The following PDK1 variants were observed in gnomAD, a reference collection of about 807,000 sequenced individuals.
PDK1 encodes pyruvate dehydrogenase kinase 1.
PDK1 carries 39 observed loss-of-function variants against 54.2 expected under a neutral mutation model. The ratio of observed to expected loss-of-function variants is 0.72; its 90% CI spans 0.56 to 0.94. PDK1 has a LOEUF of 0.94. Ranked by LOEUF, PDK1 falls within the 40% of genes least tolerant of loss-of-function variation. The pLI, the probability that PDK1 is intolerant of heterozygous loss-of-function variation, is 0.00. For synonymous variants in PDK1, 221 were observed against 207.1 expected, an observed-to-expected ratio of 1.07 and a Z score of -0.58; for missense variants, 552 against 566.0, an observed-to-expected ratio of 0.98 and a Z score of 0.25.
At chr2:172,556,639 G>GC (rs1197315149) in intron 1 of PDK1, 1 of 296,126 alleles carries the variant, frequency 3.4e-6, no homozygotes, top group African/African-American at 2.2e-5. Context: ...TGCGCGCTAG[G>GC]CCAGGCCCCT....
chr2:172,556,244 T>C lies in PDK1; in HGVS notation c.94T>C (p.Ser32Pro), dbSNP rs750634790. The C allele has an allele frequency of 3.4e-5, 50 of 1,467,880 alleles. No homozygotes were observed. Among genetic ancestry groups the C allele is most frequent in the Non-Finnish European group, 4.3e-5 (48 of 1,116,192 alleles). The allele number at this position is 1,467,880 out of a possible 1,614,324, so 90.9% of individuals were successfully genotyped here. The stretch of plus-strand genomic sequence containing the variant: ...CTTCAGCCGCAGCTTCAGCTCGGAC[T>C]CGGGCTCCAGCCCGGCGTCCGAGCG... ...AGFSRSFSSD[S>P]GSSPASERGV... Residue 32 changes from serine to proline, a missense_variant, in exon 1 of 11, where the codon TCG becomes CCG. Transcript: ENST00000282077.
intron 9 of PDK1, among the ~76,000 whole-genome samples, chr2:172,588,550 T>C (rs16860693): frequency 0.054 from 8,239 of 152,304 alleles, 347 homozygotes; most frequent in East Asian, 0.21. Context: ...TGTGAATTTT[T>C]AAGAAAATAG....
At position 172,602,477 on chromosome 2, in the gene PDK1, A is replaced by G. The variant is rs1041125938; in HGVS notation, c.*6508A>G. 7 of 152,202 alleles carry G rather than the reference A, an allele frequency of 4.6e-5. No individual in the cohort carries two copies. Among genetic ancestry groups the G allele is most frequent in the Non-Finnish European group, 1.0e-4 (7 of 68,028 alleles). The allele number at this position is 152,202 out of a possible 1,614,324, so 9.4% of individuals were successfully genotyped here. A position where few individuals can be genotyped will look rare whatever the true frequency, so the allele number is the denominator to read the frequency against. On this transcript the variant is annotated 3_prime_UTR_variant, in exon 11 of 11. Transcript: ENST00000282077. ...ATATAAGCCATTAGTGGATGTTACA[A>G]TAAACCTCGTATAGTGTCAGATGTA... is the stretch of plus-strand genomic sequence containing the variant.
At position 172,600,301 on chromosome 2, in the gene PDK1, A is replaced by G. The variant is rs1028021770; in HGVS notation, c.*4332A>G. On this transcript the variant is annotated 3_prime_UTR_variant, in exon 11 of 11. Transcript: ENST00000282077. ...GTATTGCATGAAAATACAGTATGGT[A>G]TGAAATTATTTGTCCAAAACTGTAC... The G allele has an allele frequency of 2.0e-5, 3 of 152,234 alleles. No homozygotes were observed. Among genetic ancestry groups the G allele is most frequent in the African/African-American group, 7.2e-5 (3 of 41,462 alleles). The allele number at this position is 152,234 out of a possible 1,614,324, so 9.4% of individuals were successfully genotyped here.
the PDK1 span, among the ~76,000 whole-genome samples, chr2:172,685,659 AT>A: frequency 6.6e-6 from 1 of 152,242 alleles, no homozygotes; most frequent in Non-Finnish European, 1.5e-5. Context: ...CATTGCAAAT[AT>A]GCCAAATCAG....
chr2:172,603,770 T>C lies in PDK1; in HGVS notation c.*7801T>C, dbSNP rs1264164881. ...CAAAGTCAGTTGATAAGACCTCTTA[T>C]GCCTGTGAATGGAAGGCCCTGATAA... On this transcript the variant is annotated 3_prime_UTR_variant, in exon 11 of 11. Transcript: ENST00000282077. 1 of 152,216 alleles carries C rather than the reference T, an allele frequency of 6.6e-6. No homozygotes were observed. Among genetic ancestry groups the C allele is most frequent in the Non-Finnish European group, 1.5e-5 (1 of 68,052 alleles). 9.4% of individuals were successfully genotyped at this position (152,216 alleles called of 1,614,324 possible).
the PDK1 span, among the ~76,000 whole-genome samples, chr2:172,698,424 G>A: frequency 5.3e-5 from 8 of 152,170 alleles, no homozygotes; most frequent in African/African-American, 1.4e-4. Context: ...CCTCAGCAAC[G>A]TCTGGTCTTC....
At chr2:172,621,939 CAT>C in the PDK1 span, among the ~76,000 whole-genome samples, 10 of 145,160 alleles carry the variant, frequency 6.9e-5, no homozygotes, top group Non-Finnish European at 1.5e-4. Context: ...GTTTATATCT[CAT>C]ATATGTGGTA....
rs192044769 is a variant in PDK1, at chr2:172,604,872, C to T, written c.*8903C>T. 1 of 152,296 alleles carries T rather than the reference C, an allele frequency of 6.6e-6. No individual in the cohort carries two copies. The highest frequency in any genetic ancestry group is 6.5e-5 in the Admixed American group (1 of 15,296). The allele number at this position is 152,296 out of a possible 1,614,324, so 9.4% of individuals were successfully genotyped here. A position where few individuals can be genotyped will look rare whatever the true frequency, so the allele number is the denominator to read the frequency against. ...TTTGGAGCTTTATATTGGGTATGTTCTTATCCAACTATCATTAGGGGCATT... is the reference window on the plus strand; with the variant it reads ...TTTGGAGCTTTATATTGGGTATGTTTTTATCCAACTATCATTAGGGGCATT... On this transcript the variant is annotated 3_prime_UTR_variant, in exon 11 of 11. Coordinates refer to ENST00000282077, the MANE Select transcript of PDK1 (RefSeq NM_002610.5).
the PDK1 span, among the ~76,000 whole-genome samples, chr2:172,665,318 C>T: frequency 6.6e-6 from 1 of 152,182 alleles, no homozygotes; most frequent in Non-Finnish European, 1.5e-5. Context: ...AAATCAAACT[C>T]AGGATCCTTC....
Position 172,601,714 on chromosome 2 carries a change from AAGCCAC to A in PDK1, c.*5749_*5754del, listed in dbSNP as rs1206827412. 2 of 152,148 alleles carry A rather than the reference AAGCCAC, an allele frequency of 1.3e-5. No homozygotes were observed. The highest frequency in any genetic ancestry group is 4.8e-5 in the African/African-American group (2 of 41,440). The allele number at this position is 152,148 out of a possible 1,614,324, so 9.4% of individuals were successfully genotyped here. On this transcript the variant is annotated 3_prime_UTR_variant, in exon 11 of 11. Coordinates refer to ENST00000282077, the MANE Select transcript of PDK1 (RefSeq NM_002610.5). ...CTCGCTGGGTTAGCTGGGGTAGGTA[AAGCCAC>A]AGCTGTGGCAGCAACCAGCTAGTGG... is the stretch of plus-strand genomic sequence containing the variant.
the PDK1 span, among the ~76,000 whole-genome samples, chr2:172,720,362 A>G: frequency 6.6e-6 from 1 of 151,950 alleles, no homozygotes; most frequent in Admixed American, 6.6e-5. Flanking sequence ...TAATCCGCCC[A>G]CCTCGGCCTC....
the PDK1 span, among the ~76,000 whole-genome samples, chr2:172,685,476 C>T: frequency 6.6e-6 from 1 of 152,190 alleles, no homozygotes; most frequent in African/African-American, 2.4e-5. Context: ...GTGAATAAAC[C>T]AGTAGACTAA....
chr2:172,686,156 A>T, the PDK1 span, among the ~76,000 whole-genome samples: 1 of 152,204 alleles, frequency 6.6e-6, no homozygotes, highest in Admixed American at 6.5e-5. Flanking sequence ...CTCTTTAGTA[A>T]AGTCTCTCAA....
At chr2:172,624,645 T>G in the PDK1 span, among the ~76,000 whole-genome samples, 1 of 151,950 alleles carries the variant, frequency 6.6e-6, no homozygotes, top group East Asian at 1.9e-4. Context: ...CTTGCCACCA[T>G]AAGGAGAGAG....
rs1574556320 is a variant in PDK1 at position 172,606,865 on chromosome 2, A to C, written c.*10896A>C. The stretch of plus-strand genomic sequence containing the variant: ...ATCACCACCTCTGTCTAGTTCCAAA[A>C]CATTTTTATCACCCTAAAAGGAAAC... On this transcript the variant is annotated 3_prime_UTR_variant, in exon 11 of 11. Coordinates refer to ENST00000282077, the MANE Select transcript of PDK1 (RefSeq NM_002610.5). The C allele has an allele frequency of 6.6e-6, 1 of 152,058 alleles. No individual in the cohort carries two copies. Among genetic ancestry groups the C allele is most frequent in the African/African-American group, 2.4e-5 (1 of 41,384 alleles). The allele number at this position is 152,058 out of a possible 1,614,324, so 9.4% of individuals were successfully genotyped here. A position where few individuals can be genotyped will look rare whatever the true frequency, so the allele number is the denominator to read the frequency against.
intron 8 of PDK1, among the ~76,000 whole-genome samples, chr2:172,583,694 A>G (rs1046349356): frequency 2.6e-5 from 4 of 152,092 alleles, no homozygotes; most frequent in African/African-American, 9.7e-5. Flanking sequence ...TTCAAGGCAG[A>G]TTTTTTTAGT....
At chr2:172,575,275 G>A (rs1177103432) in intron 8 of PDK1, among the ~76,000 whole-genome samples, 1 of 152,048 alleles carries the variant, frequency 6.6e-6, no homozygotes, top group African/African-American at 2.4e-5. Flanking sequence ...TATGTTTATT[G>A]GTCTGTAGTT....
chr2:172,579,167 G>A (rs1689742018), intron 8 of PDK1, among the ~76,000 whole-genome samples: 1 of 152,122 alleles, frequency 6.6e-6, no homozygotes, highest in African/African-American at 2.4e-5. Context: ...GTTTGCCCTA[G>A]CTGTTGTCCA....
Sources: gnomAD v4.1 joint callset for allele counts (sites outside exome capture counted in the v4.1 genomes callset) on GRCh38, gnomAD v4.1.1 for gene constraint, MANE v1.5 for transcripts, NCBI Gene and HGNC (gene_info 2026-07-23, HGNC 2026-07-21) for gene names.